The following PHF2 variants were observed in gnomAD, a reference collection of about 807,000 sequenced individuals.
PHF2 encodes PHD finger protein 2, also known as lysine-specific demethylase PHF2.
In PHF2, 27 loss-of-function variants were observed where a neutral mutation model predicts 120.5. That is an observed-to-expected ratio of 0.22 (90% CI 0.17 to 0.31). The LOEUF is 0.31. Ranked by LOEUF, PHF2 falls within the 10% of genes least tolerant of loss-of-function variation. The pLI, the probability that PHF2 is intolerant of heterozygous loss-of-function variation, is 1.00. For missense variants in PHF2, 1,024 were observed against 1,434.8 expected (o/e 0.71, Z 4.63); for synonymous variants, 568 against 592.5 (o/e 0.96, Z 0.60).
intron 10 of PHF2, among the ~76,000 whole-genome samples, chr9:93,658,707 C>G (rs968539493): frequency 1.3e-5 from 2 of 151,992 alleles, no homozygotes; most frequent in Non-Finnish European, 2.9e-5. Context: ...GACACCCTGT[C>G]GGCTCCTCCT....
At chr9:93,644,287 G>A (rs931022525) in intron 3 of PHF2, among the ~76,000 whole-genome samples, 2 of 151,880 alleles carry the variant, frequency 1.3e-5, no homozygotes, top group African/African-American at 4.8e-5. Flanking sequence ...TCAGGAGGCT[G>A]AGGCAGGAGA....
At position 93,667,229 on chromosome 9, in the gene PHF2, C is replaced by T; in HGVS notation, c.2337C>T (p.Tyr779=). The stretch of plus-strand genomic sequence containing the variant: ...GTGAGGAGGTTGGCGCGCTGGAGTA[C>T]AACCCCAGCAGGTGGGCCCCACCAC... The part of the protein sequence containing the change: ...QASEEVGALE[Y]NPSSQPPASP... Residue 779 remains tyrosine, a synonymous_variant, in exon 17 of 22, where the codon TAC becomes TAT. Transcript: ENST00000359246. The T allele has an allele frequency of 6.2e-7, 1 of 1,610,096 alleles. No individual in the cohort carries two copies. The highest frequency in any genetic ancestry group is 1.1e-5 in the South Asian group (1 of 90,592).
chr9:93,653,186 A>G lies in PHF2; in HGVS notation c.610A>G (p.Ser204Gly). The change falls in exon 6 of 22, where the codon AGC becomes GGC. Residue 204 changes from serine to glycine, a missense_variant. This residue lies in a region of PHF2 where 347 missense variants were observed against 577.4 expected (regional missense o/e 0.60). Transcript: ENST00000359246. ...NLEFSDTRMS[S>G]FVEPPDIVKK... Reference sequence around the variant, plus strand: ...TTCCTCTCCCACCCCTAGAATGTCCAGCTTCGTGGAGCCACCTGACATTGT... The same window carrying G: ...TTCCTCTCCCACCCCTAGAATGTCCGGCTTCGTGGAGCCACCTGACATTGT... The G allele has an allele frequency of 6.2e-7, 1 of 1,614,064 alleles. No homozygotes were observed. The highest frequency in any genetic ancestry group is 8.5e-7 in the Non-Finnish European group (1 of 1,179,962).
intron 1 of PHF2, among the ~76,000 whole-genome samples, chr9:93,602,167 AAGTATGTAAATTCTTCGTTG>A (rs1479049885): frequency 1.3e-5 from 2 of 151,778 alleles, no homozygotes; most frequent in Admixed American, 1.3e-4. Flanking sequence ...TATCGAACAA[AAGTATGTAAATTCTTCGTTG>A]AGTATGTAAA....
intron 5 of PHF2, 71 bp downstream of exon 5, chr9:93,649,283 G>T: frequency 1.5e-6 from 2 of 1,313,274 alleles, no homozygotes; most frequent in East Asian, 2.5e-5. Context: ...CTTGGTAGTC[G>T]CCTGAGAAGC....
intron 9 of PHF2, among the ~76,000 whole-genome samples, chr9:93,657,749 C>T (rs1258077243): frequency 2.0e-5 from 3 of 152,162 alleles, no homozygotes; most frequent in Non-Finnish European, 4.4e-5. Flanking sequence ...TGCTAAGGGG[C>T]GCCATGAGGT....
At chr9:93,627,360 T>C (rs1483311564) in intron 1 of PHF2, among the ~76,000 whole-genome samples, 2 of 152,208 alleles carry the variant, frequency 1.3e-5, no homozygotes, top group East Asian at 3.8e-4. Context: ...ACCTTCTGAA[T>C]TTATTTGTTA....
chr9:93,633,353 G>A (rs749614058), intron 2 of PHF2, among the ~76,000 whole-genome samples: 8 of 152,216 alleles, frequency 5.3e-5, no homozygotes, highest in East Asian at 1.9e-4. Context: ...CCAGGAACTC[G>A]GGAAGGCATC....
intron 1 of PHF2, among the ~76,000 whole-genome samples, chr9:93,605,225 T>C (rs1016903586): frequency 2.0e-5 from 3 of 152,212 alleles, no homozygotes; most frequent in Non-Finnish European, 4.4e-5. Context: ...TTTTATTTTA[T>C]ACATTTTTTT....
chr9:93,620,613 G>T (rs1825810040), intron 1 of PHF2, among the ~76,000 whole-genome samples: 1 of 152,230 alleles, frequency 6.6e-6, no homozygotes, highest in South Asian at 2.1e-4. Flanking sequence ...GTTGAGGTTG[G>T]TTTTTTGTTA....
Position 93,671,010 on chromosome 9 carries a change from C to G in PHF2, c.2349-2575C>G, listed in dbSNP as rs80294194. On this transcript the variant is annotated intron_variant, in intron 17 of 21. Coordinates refer to ENST00000359246, the MANE Select transcript of PHF2 (RefSeq NM_005392.4). ...GTCTGTTCAGGTGCAGATGCAGCTGCAGGTCTATGTTCAGGTGGGTGCAGG... is the reference window on the plus strand; with the variant it reads ...GTCTGTTCAGGTGCAGATGCAGCTGGAGGTCTATGTTCAGGTGGGTGCAGG... The G allele has an allele frequency of 8.6e-3, 8,441 of 982,676 alleles. 512 individuals carry two copies. The African/African-American group carries it at 0.14, about 16-fold the overall frequency. The allele number at this position is 982,676 out of a possible 1,614,324, so 60.9% of individuals were successfully genotyped here.
intron 2 of PHF2, among the ~76,000 whole-genome samples, chr9:93,632,486 G>A (rs1338288985): frequency 1.3e-5 from 2 of 152,208 alleles, no homozygotes; most frequent in African/African-American, 2.4e-5. Flanking sequence ...AGTTCTGGAG[G>A]CTGGAAGTCC....
At chr9:93,614,378 G>T (rs1487556954) in intron 1 of PHF2, among the ~76,000 whole-genome samples, 1 of 152,194 alleles carries the variant, frequency 6.6e-6, no homozygotes, top group Non-Finnish European at 1.5e-5. Flanking sequence ...CTATACCCCA[G>T]TGACTTCTGT....
At chr9:93,647,839 A>T (rs1826288491) in intron 4 of PHF2, among the ~76,000 whole-genome samples, 1 of 152,138 alleles carries the variant, frequency 6.6e-6, no homozygotes, top group Non-Finnish European at 1.5e-5. Flanking sequence ...CAGTGAGCCA[A>T]GATCGTGCCA....
intron 3 of PHF2, 55 bp from the exon 4 acceptor site, chr9:93,645,574 C>T: frequency 1.3e-6 from 2 of 1,496,324 alleles, no homozygotes; most frequent in Non-Finnish European, 1.8e-6. Context: ...CCACACCTGT[C>T]CCGGTGCAGG....
chr9:93,617,279 A>G (rs1018075520), intron 1 of PHF2, among the ~76,000 whole-genome samples: 1 of 152,194 alleles, frequency 6.6e-6, no homozygotes, highest in Non-Finnish European at 1.5e-5. Context: ...CAGGGCTAGC[A>G]AGCACTGGCA....
chr9:93,620,839 G>A (rs61403867), intron 1 of PHF2, among the ~76,000 whole-genome samples: 60,809 of 152,050 alleles, frequency 0.4, 12,510 homozygotes, highest in South Asian at 0.65. Flanking sequence ...TAATTTCTTA[G>A]GGGGCATTTA....
At chr9:93,601,904 G>T (rs980363994) in intron 1 of PHF2, among the ~76,000 whole-genome samples, 1 of 151,798 alleles carries the variant, frequency 6.6e-6, no homozygotes. Context: ...TTTTCTCATG[G>T]GGATCTCACG....
At chr9:93,676,092 T>TC (rs370121431) in intron 20 of PHF2, among the ~76,000 whole-genome samples, 44 of 152,010 alleles carry the variant, frequency 2.9e-4, no homozygotes, top group African/African-American at 1.1e-3. Context: ...CCCCTTCCCC[T>TC]CCCCCCATCA....
Sources: allele counts gnomAD v4.1 joint callset (sites outside exome capture counted in the v4.1 genomes callset), GRCh38; gene constraint gnomAD v4.1.1; regional missense constraint gnomAD v4.1.1; transcripts MANE v1.5; gene names NCBI Gene and HGNC (gene_info 2026-07-23, HGNC 2026-07-21).